The following PLPP4 variants were observed in gnomAD, a reference collection of about 807,000 sequenced individuals.
PLPP4 encodes the protein phospholipid phosphatase 4.
In PLPP4, 20 loss-of-function variants were observed where a neutral mutation model predicts 32.2. The observed-to-expected ratio is 0.62, with a 90% confidence interval of 0.44 to 0.90. PLPP4 has a LOEUF of 0.90. PLPP4 is among the 40% of genes least tolerant of loss of function. PLPP4 has a pLI of 0.00. For missense variants in PLPP4, 257 were observed against 353.1 expected (o/e 0.73, Z 2.18); for synonymous variants, 127 against 133.0 (o/e 0.95, Z 0.31).
chr10:120,578,052 C>T (rs1250499889), intron 6 of PLPP4, among the ~76,000 whole-genome samples: 2 of 152,192 alleles, frequency 1.3e-5, no homozygotes, highest in Non-Finnish European at 2.9e-5. Flanking sequence ...CAAGACCCCT[C>T]GCCCACTAAC....
At chr10:120,547,674 T>C (rs565072158) in intron 5 of PLPP4, among the ~76,000 whole-genome samples, 13 of 152,294 alleles carry the variant, frequency 8.5e-5, no homozygotes, top group Admixed American at 5.2e-4. Context: ...TTATCGCAGT[T>C]TCATGAGGCA....
chr10:120,496,971 T>TA (rs1388233671), intron 1 of PLPP4, among the ~76,000 whole-genome samples: 2 of 151,814 alleles, frequency 1.3e-5, no homozygotes, highest in African/African-American at 2.4e-5. Context: ...GTGTAGTTTT[T>TA]ATCTGTCATG....
At chr10:120,461,091 A>G (rs563909371) in intron 1 of PLPP4, among the ~76,000 whole-genome samples, 1 of 152,294 alleles carries the variant, frequency 6.6e-6, no homozygotes, top group African/African-American at 2.4e-5. Context: ...ATGTGTGGGA[A>G]GCTGTCACTG....
At chr10:120,518,253 CACCGCCCGGGCAGACCTTCTCCAA>C (rs1267764539) in intron 3 of PLPP4, among the ~76,000 whole-genome samples, 2 of 152,180 alleles carry the variant, frequency 1.3e-5, no homozygotes, top group Non-Finnish European at 2.9e-5. Flanking sequence ...TGGCAAAAAG[CACCGCCCGGGCAGACCTTCTCCAA>C]ACCCAGTGAG....
intron 3 of PLPP4, among the ~76,000 whole-genome samples, chr10:120,514,429 C>A (rs1459791643): frequency 2.0e-5 from 3 of 152,120 alleles, no homozygotes; most frequent in African/African-American, 4.8e-5. Context: ...TGGCTAGAAG[C>A]AATAATAGGC....
chr10:120,564,514 C>G (rs1848597033), intron 5 of PLPP4, among the ~76,000 whole-genome samples: 2 of 151,804 alleles, frequency 1.3e-5, no homozygotes, highest in African/African-American at 4.8e-5. Context: ...TATGTCCTAT[C>G]TAATATTTCT....
rs1409652476 is a variant in PLPP4, at chr10:120,566,217, C to T, written c.446-8914C>T. Reference sequence around the variant, plus strand: ...GGTTCTCATTTATGATGTCCTAAATCTTTGTGTTTCAGTTTTCTTACTCTG... The same window carrying T: ...GGTTCTCATTTATGATGTCCTAAATTTTTGTGTTTCAGTTTTCTTACTCTG... On this transcript the variant is annotated intron_variant, in intron 5 of 6. Transcript: ENST00000398250. Among the ~76,000 whole-genome samples the T allele has an allele frequency of 2.0e-5, 3 of 152,044 alleles. No individual in the cohort carries two copies. In the East Asian group the frequency reaches 5.8e-4, roughly 29 times the overall value.
rs34266666 is a variant in PLPP4, at chr10:120,569,238, C to CAA, written c.446-5879_446-5878dup. On this transcript the variant is annotated intron_variant, in intron 5 of 6. Coordinates refer to ENST00000398250, the MANE Select transcript of PLPP4 (RefSeq NM_001030059.3). Reference sequence around the variant, plus strand: ...TGGGGTAAAGAGTGAGACTCCATCTCAAAAAAAAAAAAAAATTCTTAATCC... The same window carrying CAA: ...TGGGGTAAAGAGTGAGACTCCATCTCAAAAAAAAAAAAAAAAATTCTTAATCC... Among the ~76,000 whole-genome samples the CAA allele has an allele frequency of 6.5e-4, 92 of 141,396 alleles. No homozygotes were observed. The East Asian group carries it at 9.0e-3, about 14-fold the overall frequency. The allele number at this position is 141,396 out of a possible 152,430, so 92.8% of individuals were successfully genotyped here. A position where few individuals can be genotyped will look rare whatever the true frequency, so the allele number is the denominator to read the frequency against.
intron 2 of PLPP4, among the ~76,000 whole-genome samples, chr10:120,505,503 C>T (rs902976706): frequency 7.2e-5 from 11 of 152,064 alleles, no homozygotes; most frequent in African/African-American, 7.2e-5. Context: ...ATAGACACAC[C>T]GGGAACATTT....
intron 5 of PLPP4, among the ~76,000 whole-genome samples, chr10:120,523,293 T>A (rs1846241806): frequency 6.6e-6 from 1 of 151,120 alleles, no homozygotes; most frequent in Admixed American, 6.6e-5. Flanking sequence ...AGAGTGAGAC[T>A]CCATCTCAAG....
chr10:120,493,898 C>T (rs555296248), intron 1 of PLPP4, among the ~76,000 whole-genome samples: 1 of 152,218 alleles, frequency 6.6e-6, no homozygotes, highest in Admixed American at 6.5e-5. Context: ...AGTGAACAGC[C>T]AGGGACTATG....
Position 120,579,560 on chromosome 10 carries a change from C to G in PLPP4, c.616+4259C>G, listed in dbSNP as rs183493161. The stretch of plus-strand genomic sequence containing the variant: ...TTTGGTAGTTGGATATTGTGCTGGA[C>G]TATTTCATGTGCCACAAAATACTTC... On this transcript the variant is annotated intron_variant, in intron 6 of 6. Coordinates refer to ENST00000398250, the MANE Select transcript of PLPP4 (RefSeq NM_001030059.3). Among the ~76,000 whole-genome samples the G allele has an allele frequency of 1.5e-4, 23 of 152,300 alleles. No individual in the cohort carries two copies. In the East Asian group the frequency reaches 4.4e-3, roughly 29 times the overall value.
intron 1 of PLPP4, among the ~76,000 whole-genome samples, chr10:120,459,855 A>G (rs1047002444): frequency 3.3e-5 from 5 of 152,180 alleles, no homozygotes; most frequent in Admixed American, 6.5e-5. Flanking sequence ...CGTAGCCCAT[A>G]TGCTCCTCAA....
chr10:120,462,773 C>T (rs1848115363), intron 1 of PLPP4, among the ~76,000 whole-genome samples: 1 of 152,148 alleles, frequency 6.6e-6, no homozygotes, highest in African/African-American at 2.4e-5. Flanking sequence ...ACAGGGGCTC[C>T]TTCCATCCGC....
At chr10:120,494,959 T>C (rs1844895574) in intron 1 of PLPP4, among the ~76,000 whole-genome samples, 1 of 152,210 alleles carries the variant, frequency 6.6e-6, no homozygotes, top group Admixed American at 6.5e-5. Context: ...ATTAAAATAA[T>C]TGCAGATGCC....
chr10:120,458,292 C>T (rs906121759), intron 1 of PLPP4, among the ~76,000 whole-genome samples: 1 of 152,214 alleles, frequency 6.6e-6, no homozygotes, highest in Non-Finnish European at 1.5e-5. Flanking sequence ...AATTCTCTCC[C>T]CCTCTCTGCC....
At chr10:120,464,588 T>TCTCA (rs1460101579) in intron 1 of PLPP4, among the ~76,000 whole-genome samples, 1 of 152,192 alleles carries the variant, frequency 6.6e-6, no homozygotes, top group Non-Finnish European at 1.5e-5. Context: ...GGTGGGCTGG[T>TCTCA]CTCAGCCTTG....
At chr10:120,574,168 ACTCT>A (rs58917160) in intron 5 of PLPP4, among the ~76,000 whole-genome samples, 551 of 46,724 alleles carry the variant, frequency 0.012, 1 homozygote, top group African/African-American at 0.02. Context: ...ACACACACAC[ACTCT>A]CTCTCTCTCT....
At chr10:120,464,121 C>T (rs1202079174) in intron 1 of PLPP4, among the ~76,000 whole-genome samples, 1 of 152,214 alleles carries the variant, frequency 6.6e-6, no homozygotes, top group African/African-American at 2.4e-5. Flanking sequence ...TGGTTTGCAA[C>T]TTACCTGCTG....
Sources: allele counts gnomAD v4.1 joint callset (sites outside exome capture counted in the v4.1 genomes callset), GRCh38; gene constraint gnomAD v4.1.1; transcripts MANE v1.5; gene names NCBI Gene and HGNC (gene_info 2026-07-23, HGNC 2026-07-21).